MACROD2: variants seen among roughly 807,000 people sequenced by gnomAD.
MACROD2 encodes the protein ADP-ribose glycohydrolase MACROD2.
A neutral mutation model predicts 70.4 loss-of-function variants in MACROD2; 36 were observed. The observed-to-expected ratio is 0.51, with a 90% CI of 0.39 to 0.68. MACROD2 has a LOEUF of 0.68. MACROD2 is among the 30% of genes least tolerant of loss of function. The pLI is 0.00. For missense variants in MACROD2, 496 were observed against 538.4 expected (o/e 0.92, Z 0.78); for synonymous variants, 172 against 178.8 (o/e 0.96, Z 0.30).
intron 5 of MACROD2, among the ~76,000 whole-genome samples, chr20:14,882,830 T>C (rs948391963): frequency 6.6e-6 from 1 of 152,142 alleles, no homozygotes; most frequent in Non-Finnish European, 1.5e-5. Flanking sequence ...AAGATAAAAT[T>C]ACTCTTGGAA....
chr20:14,578,545 C>T (rs1160710498), intron 4 of MACROD2, among the ~76,000 whole-genome samples: 1 of 152,140 alleles, frequency 6.6e-6, no homozygotes, highest in African/African-American at 2.4e-5. Context: ...AATAATAACT[C>T]AGGGCCCTTC....
At chr20:15,195,836 G>A (rs958205185) in intron 5 of MACROD2, among the ~76,000 whole-genome samples, 1 of 152,040 alleles carries the variant, frequency 6.6e-6, no homozygotes, top group East Asian at 1.9e-4. Context: ...AACCCAAATG[G>A]CCATCAATGA....
chr20:15,443,950 T>A (rs1362325012), intron 7 of MACROD2, among the ~76,000 whole-genome samples: 2 of 152,180 alleles, frequency 1.3e-5, no homozygotes, highest in Non-Finnish European at 2.9e-5. Context: ...TAGAGCCTAA[T>A]CTTTTAGATG....
rs573089799 is a variant in MACROD2 at position 14,872,188 on chromosome 20, TC to T, written c.418+187230del. On this transcript the variant is annotated intron_variant, in intron 5 of 17. Transcript: ENST00000684519. ...TGAACCTGATAGACATCTACAGAACTCTCCACTCTGCCATTTTCAACTCATG... is the reference window on the plus strand; with the variant it reads ...TGAACCTGATAGACATCTACAGAACTTCCACTCTGCCATTTTCAACTCATG... 3.6e-3 allele frequency among the ~76,000 whole-genome samples: 545 copies of T among 152,208 alleles called. 6 individuals carry two copies. The highest frequency in any genetic ancestry group is 0.013 in the African/African-American group (526 of 41,548).
intron 3 of MACROD2, among the ~76,000 whole-genome samples, chr20:14,357,683 T>G (rs1268164601): frequency 6.6e-6 from 1 of 152,246 alleles, no homozygotes; most frequent in African/African-American, 2.4e-5. Flanking sequence ...TGGCTTCTCC[T>G]TAGAACTCTG....
intron 8 of MACROD2, among the ~76,000 whole-genome samples, chr20:15,564,556 G>A (rs2048286954): frequency 6.6e-6 from 1 of 152,132 alleles, no homozygotes; most frequent in Non-Finnish European, 1.5e-5. Context: ...GGCAATTGTA[G>A]GTACCGTGTC....
intron 5 of MACROD2, among the ~76,000 whole-genome samples, chr20:15,121,133 C>T (rs1455216465): frequency 6.6e-6 from 1 of 152,102 alleles, no homozygotes; most frequent in African/African-American, 2.4e-5. Flanking sequence ...AAAACTAAAA[C>T]CAGTTATATC....
chr20:14,637,294 C>T (rs1453744068), intron 4 of MACROD2, among the ~76,000 whole-genome samples: 5 of 152,186 alleles, frequency 3.3e-5, no homozygotes, highest in Non-Finnish European at 5.9e-5. Flanking sequence ...AAAAAATCCA[C>T]TCTAATGACG....
intron 5 of MACROD2, among the ~76,000 whole-genome samples, chr20:14,686,696 T>G (rs2123600919): frequency 6.6e-6 from 1 of 152,310 alleles, no homozygotes; most frequent in South Asian, 2.1e-4. Context: ...ACCATCTCGG[T>G]TTGTGTAAGT....
chr20:15,987,135 A>C lies in MACROD2; in HGVS notation c.1130A>C (p.Gln377Pro). Residue 377 changes from glutamine to proline, a missense_variant, in exon 15 of 18, where the codon CAA (glutamine) becomes CCA (proline). Coordinates refer to ENST00000684519, the MANE Select transcript of MACROD2 (RefSeq NM_001351661.2). ...GAAGTGATTCCATTAACAGAGGACC[A>C]AGAAGAAAAAGAAGGTGAAAAAGGT... ...QPEVIPLTED[Q>P]EEKEGEKAPG... is the part of the protein sequence containing the mutation. The C allele has an allele frequency of 6.2e-7, 1 of 1,610,894 alleles. No individual in the cohort carries two copies. Among genetic ancestry groups the C allele is most frequent in the Non-Finnish European group, 8.5e-7 (1 of 1,179,290 alleles).
At chr20:14,835,335 A>G (rs909618254) in intron 5 of MACROD2, among the ~76,000 whole-genome samples, 7 of 152,192 alleles carry the variant, frequency 4.6e-5, no homozygotes, top group South Asian at 2.1e-4. Flanking sequence ...ATCAGTTAAC[A>G]TCGGTTCATA....
chr20:16,010,052 T>G (rs1226496036), intron 15 of MACROD2, among the ~76,000 whole-genome samples: 1 of 152,204 alleles, frequency 6.6e-6, no homozygotes, highest in Non-Finnish European at 1.5e-5. Flanking sequence ...ATTTTTCTCT[T>G]ACTGTACTTG....
At chr20:14,930,299 C>G (rs542848513) in intron 5 of MACROD2, among the ~76,000 whole-genome samples, 1 of 152,048 alleles carries the variant, frequency 6.6e-6, no homozygotes, top group Non-Finnish European at 1.5e-5. Context: ...AACTACATTT[C>G]TTGCTTTCAC....
intron 4 of MACROD2, among the ~76,000 whole-genome samples, chr20:14,536,190 G>A (rs944079880): frequency 6.6e-6 from 1 of 152,100 alleles, no homozygotes; most frequent in Non-Finnish European, 1.5e-5. Context: ...TATGCACAAC[G>A]TTGACTTCCA....
intron 4 of MACROD2, among the ~76,000 whole-genome samples, chr20:14,678,201 G>A (rs926984099): frequency 6.6e-6 from 1 of 152,124 alleles, no homozygotes; most frequent in Non-Finnish European, 1.5e-5. Context: ...GACAATGGAA[G>A]GTCATATGGA....
Position 14,002,381 on chromosome 20 carries a change from T to G in MACROD2, c.140T>G (p.Met47Arg). 1 of 1,604,862 alleles carries G rather than the reference T, an allele frequency of 6.2e-7. No individual in the cohort carries two copies. Among genetic ancestry groups the G allele is most frequent in the East Asian group, 2.3e-5 (1 of 44,390 alleles). Residue 47 changes from methionine (M) to arginine (R), a missense_variant, in exon 2 of 18, where the codon ATG becomes AGG. Coordinates refer to ENST00000684519, the MANE Select transcript of MACROD2 (RefSeq NM_001351661.2). ...AGCATTCTATCATGGAAGGAGGAGATGAAGGGCAAGGGCCAAAATGATGGT... is the reference window on the plus strand; with the variant it reads ...AGCATTCTATCATGGAAGGAGGAGAGGAAGGGCAAGGGCCAAAATGATGGT... ...LNSILSWKEEMKGKGQNDEEN... is the reference protein window; with the variant it reads ...LNSILSWKEERKGKGQNDEEN...
chr20:15,573,699 A>T (rs1021117165), intron 8 of MACROD2, among the ~76,000 whole-genome samples: 1 of 151,844 alleles, frequency 6.6e-6, no homozygotes, highest in African/African-American at 2.4e-5. Flanking sequence ...TCATCAAGCA[A>T]CCCCCTTGTG....
intron 7 of MACROD2, among the ~76,000 whole-genome samples, chr20:15,455,300 G>T (rs2046709547): frequency 6.6e-6 from 1 of 152,130 alleles, no homozygotes; most frequent in Admixed American, 6.6e-5. Context: ...TGTGCATATT[G>T]GTCCTACCTC....
chr20:14,952,546 G>C (rs1297310456), intron 5 of MACROD2, among the ~76,000 whole-genome samples: 1 of 152,082 alleles, frequency 6.6e-6, no homozygotes, highest in Non-Finnish European at 1.5e-5. Flanking sequence ...ACTAATCCCA[G>C]TACTGCCTTC....
Sources: allele counts gnomAD v4.1 joint callset (sites outside exome capture counted in the v4.1 genomes callset), GRCh38; gene constraint gnomAD v4.1.1; transcripts MANE v1.5; gene names NCBI Gene and HGNC (gene_info 2026-07-23, HGNC 2026-07-21).